SLC14A2: variants seen among roughly 807,000 people sequenced by gnomAD.
SLC14A2 encodes solute carrier family 14 member 2.
Under a neutral mutation model 104.6 loss-of-function variants are expected in SLC14A2, and 91 were observed. That is an observed-to-expected ratio of 0.87 (90% CI 0.73 to 1.04). The LOEUF is 1.04. Among genes scored for constraint, SLC14A2 ranks in the 50% least tolerant of loss-of-function variants. SLC14A2 has a pLI of 0.00. For synonymous variants in SLC14A2, 476 were observed against 466.4 expected, an observed-to-expected ratio of 1.02 and a Z score of -0.27; for missense variants, 1,189 against 1,156.0, an observed-to-expected ratio of 1.03 and a Z score of -0.41.
intron 1 of SLC14A2, among the ~76,000 whole-genome samples, chr18:45,288,190 CCTT>C (rs751899420): frequency 6.3e-4 from 96 of 152,316 alleles, no homozygotes; most frequent in Non-Finnish European, 1.3e-3. Flanking sequence ...TGACCCTCCT[CCTT>C]CTTAGGAATG....
At chr18:45,296,252 C>T (rs866008651) in intron 1 of SLC14A2, among the ~76,000 whole-genome samples, 2 of 152,140 alleles carry the variant, frequency 1.3e-5, no homozygotes, top group Non-Finnish European at 1.5e-5. Flanking sequence ...GAGAGGGGAA[C>T]CTCCGAGTTC....
chr18:45,562,894 G>A (rs1357610978), intron 2 of SLC14A2, among the ~76,000 whole-genome samples: 1 of 152,144 alleles, frequency 6.6e-6, no homozygotes, highest in Non-Finnish European at 1.5e-5. Context: ...CTCTGCAAGC[G>A]GTGCATTTAA....
intron 7 of SLC14A2, among the ~76,000 whole-genome samples, chr18:45,640,823 A>T (rs1219482315): frequency 6.6e-6 from 1 of 152,194 alleles, no homozygotes; most frequent in Admixed American, 6.5e-5. Flanking sequence ...GTGTATAGGG[A>T]TATTTTTCCA....
chr18:45,306,083 C>T (rs192852588), intron 1 of SLC14A2, among the ~76,000 whole-genome samples: 6 of 152,206 alleles, frequency 3.9e-5, no homozygotes, highest in South Asian at 2.1e-4. Context: ...ATAGAACAGC[C>T]GCGTCTTCCT....
chr18:45,363,376 G>A (rs2085634283), intron 1 of SLC14A2, among the ~76,000 whole-genome samples: 1 of 152,106 alleles, frequency 6.6e-6, no homozygotes, highest in East Asian at 1.9e-4. Context: ...GAAAAAGAAA[G>A]AAAGAAAGCT....
intron 2 of SLC14A2, among the ~76,000 whole-genome samples, chr18:45,558,320 G>A (rs777537050): frequency 1.2e-4 from 18 of 152,158 alleles, no homozygotes; most frequent in Admixed American, 2.0e-4. Context: ...TCACTAGTAC[G>A]ACCCTGCCTT....
intron 1 of SLC14A2, among the ~76,000 whole-genome samples, chr18:45,318,031 C>A (rs2085147206): frequency 6.6e-6 from 1 of 152,196 alleles, no homozygotes; most frequent in African/African-American, 2.4e-5. Context: ...TCTTCCCAGC[C>A]TCAGCGGGAG....
chr18:45,445,214 C>A (rs180732809), intron 1 of SLC14A2, among the ~76,000 whole-genome samples: 2 of 149,080 alleles, frequency 1.3e-5, no homozygotes, highest in South Asian at 2.1e-4. Context: ...CAGGTTCAAG[C>A]AATTCTCTTG....
intron 1 of SLC14A2, among the ~76,000 whole-genome samples, chr18:45,293,566 G>A (rs1326445705): frequency 2.0e-5 from 3 of 151,572 alleles, no homozygotes; most frequent in African/African-American, 7.3e-5. Context: ...GGGGCAGTGA[G>A]GGAAAAGTAG....
rs1330754070 is a variant in SLC14A2 at position 45,681,286 on chromosome 18, G to A, written c.2563-1033G>A. 7.7e-4 allele frequency among the ~76,000 whole-genome samples: 2 copies of A among 2,596 alleles called. 1 individual carries two copies. Among genetic ancestry groups the A allele is most frequent in the Non-Finnish European group, 0.2 (2 of 10 alleles). The allele number at this position is 2,596 out of a possible 152,430, so 1.7% of individuals were successfully genotyped here. On this transcript the variant is annotated intron_variant, in intron 19 of 19. Transcript: ENST00000255226. ...CACCGTTTTTAGCCGGGATGGTCTCGATCTCCTGACCTCGTGATCCGCCCG... is the reference window on the plus strand; with the variant it reads ...CACCGTTTTTAGCCGGGATGGTCTCAATCTCCTGACCTCGTGATCCGCCCG...
At chr18:45,679,450 G>A (rs866597848) in intron 19 of SLC14A2, among the ~76,000 whole-genome samples, 10 of 152,202 alleles carry the variant, frequency 6.6e-5, no homozygotes, top group African/African-American at 1.4e-4. Flanking sequence ...CCAACCAGGC[G>A]AGACAGAAGC....
chr18:45,427,795 TTACC>T (rs1314801966), intron 1 of SLC14A2, among the ~76,000 whole-genome samples: 6 of 152,144 alleles, frequency 3.9e-5, no homozygotes, highest in Non-Finnish European at 8.8e-5. Flanking sequence ...CTTGTGTGTG[TTACC>T]AAGAGGACAG....
At chr18:45,433,920 T>G (rs2086557092) in intron 1 of SLC14A2, among the ~76,000 whole-genome samples, 1 of 152,166 alleles carries the variant, frequency 6.6e-6, no homozygotes, top group Non-Finnish European at 1.5e-5. Context: ...GGGCCAGTGT[T>G]AGTCTGGTCA....
chr18:45,387,984 T>TTTTG (rs1568177765), intron 1 of SLC14A2, among the ~76,000 whole-genome samples: 6 of 151,856 alleles, frequency 4.0e-5, no homozygotes, highest in Non-Finnish European at 5.9e-5. Context: ...AGGAGGTCAT[T>TTTTG]ATTTAAAGGC....
intron 1 of SLC14A2, among the ~76,000 whole-genome samples, chr18:45,448,977 T>C (rs1033694911): frequency 6.6e-6 from 1 of 152,162 alleles, no homozygotes; most frequent in Non-Finnish European, 1.5e-5. Flanking sequence ...CCGGAATCTG[T>C]AACAGAGCAG....
intron 1 of SLC14A2, among the ~76,000 whole-genome samples, chr18:45,423,419 G>A (rs1470168877): frequency 6.6e-6 from 1 of 152,222 alleles, no homozygotes; most frequent in Non-Finnish European, 1.5e-5. Context: ...GTGTGGAGGA[G>A]CTTCTGCAGG....
At chr18:45,213,221 A>G (rs2083976957) in intron 1 of SLC14A2, 1 of 152,168 alleles carries the variant, frequency 6.6e-6, no homozygotes. Context: ...TTATAAGTCC[A>G]TGTCTTCAGG....
rs184375338 is a variant in SLC14A2, at chr18:45,669,940, C to T, written c.2229+442C>T. Reference sequence around the variant, plus strand: ...GCTACCATCTATTGGCTTAAGAAGTCGTTGTTCCAACCTCCAGAGTTTATT... The same window carrying T: ...GCTACCATCTATTGGCTTAAGAAGTTGTTGTTCCAACCTCCAGAGTTTATT... On this transcript the variant is annotated intron_variant, in intron 16 of 19. Transcript: ENST00000255226. Among the ~76,000 whole-genome samples the T allele has an allele frequency of 1.5e-3, 225 of 152,326 alleles. No homozygotes were observed. The Middle Eastern group carries it at 0.017, about 12-fold the overall frequency.
chr18:45,613,051 T>G (rs924731956), upstream of SLC14A2, among the ~76,000 whole-genome samples: 1 of 152,194 alleles, frequency 6.6e-6, no homozygotes, highest in Non-Finnish European at 1.5e-5. Flanking sequence ...TGTTGTTGTT[T>G]TTTGAGACAG....
Sources: gnomAD v4.1 joint callset for allele counts (sites outside exome capture counted in the v4.1 genomes callset) on GRCh38, gnomAD v4.1.1 for gene constraint, MANE v1.5 for transcripts, NCBI Gene and HGNC (gene_info 2026-07-23, HGNC 2026-07-21) for gene names.